FCGRT: variants seen among roughly 807,000 people sequenced by gnomAD.
FCGRT encodes the protein Fc gamma receptor and transporter.
In FCGRT, 13 loss-of-function variants were observed where a neutral mutation model predicts 35.7. The ratio of observed to expected loss-of-function variants is 0.36; its 90% CI spans 0.24 to 0.58. FCGRT has a LOEUF of 0.58. Among genes scored for constraint, FCGRT ranks in the 20% least tolerant of loss-of-function variants. The pLI is 0.77. For synonymous variants in FCGRT, 233 were observed against 216.5 expected (o/e 1.08, Z -0.67); for missense variants, 455 against 474.9 (o/e 0.96, Z 0.39).
Position 49,513,844 on chromosome 19 carries a change from C to T in FCGRT, c.74-38C>T, listed in dbSNP as rs111967480. 3,864 of 1,543,636 alleles carry T rather than the reference C, an allele frequency of 2.5e-3. 74 individuals are homozygous for T. In the African/African-American group the frequency reaches 0.047, roughly 19 times the overall value. On this transcript the variant is annotated intron_variant, in intron 2 of 6. Coordinates refer to ENST00000221466, the MANE Select transcript of FCGRT (RefSeq NM_001136019.3). ...TCTGTCCCACTGCAGTCTAGTTCCC[C>T]GCCCGTGTGCTCCCTTCAGCTCTGT...
intron 4 of FCGRT, among the ~76,000 whole-genome samples, chr19:49,517,107 C>T (rs1291538410): frequency 1.3e-5 from 2 of 152,088 alleles, no homozygotes; most frequent in African/African-American, 4.8e-5. Flanking sequence ...AGGAGGATCG[C>T]TTGAGCTCAG....
chr19:49,518,556 CA>C (rs982094837), intron 4 of FCGRT, among the ~76,000 whole-genome samples: 1 of 152,028 alleles, frequency 6.6e-6, no homozygotes, highest in East Asian at 1.9e-4. Context: ...TTTTTTGAGA[CA>C]AAGTCTTACT....
intron 4 of FCGRT, among the ~76,000 whole-genome samples, chr19:49,520,374 T>A (rs2080034300): frequency 6.7e-6 from 1 of 148,548 alleles, no homozygotes; most frequent in African/African-American, 2.5e-5. Flanking sequence ...AGATGGAGTT[T>A]CACTCTTATT....
chr19:49,523,815 G>A lies in FCGRT; in HGVS notation c.602-692G>A, dbSNP rs369011231. ...GCGGAGCTTGCAGTGAGCCGAGATCGCGCCACTGCACTCCAGCCTGGGAGA... is the reference window on the plus strand; with the variant it reads ...GCGGAGCTTGCAGTGAGCCGAGATCACGCCACTGCACTCCAGCCTGGGAGA... On this transcript the variant is annotated intron_variant, in intron 4 of 6. Coordinates refer to ENST00000221466, the MANE Select transcript of FCGRT (RefSeq NM_001136019.3). 5.6e-4 allele frequency among the ~76,000 whole-genome samples: 83 copies of A among 149,110 alleles called. 1 individual carries two copies. Among genetic ancestry groups the A allele is most frequent in the African/African-American group, 1.4e-3 (58 of 40,488 alleles).
intron 4 of FCGRT, among the ~76,000 whole-genome samples, chr19:49,517,656 A>G (rs144705578): frequency 6.6e-5 from 10 of 152,218 alleles, no homozygotes; most frequent in Non-Finnish European, 1.3e-4. Flanking sequence ...CCCACTTCAC[A>G]TCAAGCTTTG....
Position 49,526,252 on chromosome 19 carries a change from T to A in FCGRT, c.*133T>A, listed in dbSNP as rs1392486739. On this transcript the variant is annotated 3_prime_UTR_variant, in exon 7 of 7. Coordinates refer to ENST00000221466, the MANE Select transcript of FCGRT (RefSeq NM_001136019.3). Reference sequence around the variant, plus strand: ...TAGTTGTCCTCCCTCTGGAGCCCCGTCCTGTGGTCTGCCTCAGTTTCCCCT... The same window carrying A: ...TAGTTGTCCTCCCTCTGGAGCCCCGACCTGTGGTCTGCCTCAGTTTCCCCT... 1 of 644,186 alleles carries A rather than the reference T, an allele frequency of 1.6e-6. No homozygotes were observed. The highest frequency in any genetic ancestry group is 2.8e-6 in the Non-Finnish European group (1 of 362,662). The allele number at this position is 644,186 out of a possible 1,614,324, so 39.9% of individuals were successfully genotyped here.
chr19:49,513,957 C>G lies in FCGRT; in HGVS notation c.149C>G (p.Ser50Cys), dbSNP rs1294405579. The G allele has an allele frequency of 6.2e-7, 1 of 1,614,050 alleles. No individual in the cohort carries two copies. The highest frequency in any genetic ancestry group is 2.2e-5 in the East Asian group (1 of 44,876). Residue 50 changes from serine to cysteine, a missense_variant, in exon 3 of 7, where the codon TCC (serine) becomes TGC (cysteine). This residue lies in a region of FCGRT where 136 missense variants were observed against 158.9 expected (regional missense o/e 0.86). Transcript: ENST00000221466. ...PAPGTPAFWVSGWLGPQQYLS... is the reference protein window; with the variant it reads ...PAPGTPAFWVCGWLGPQQYLS... The stretch of plus-strand genomic sequence containing the variant: ...CCGGGGACTCCTGCCTTCTGGGTGT[C>G]CGGCTGGCTGGGCCCGCAGCAGTAC...
intron 4 of FCGRT, among the ~76,000 whole-genome samples, chr19:49,516,681 C>T (rs1021591513): frequency 4.6e-5 from 7 of 151,876 alleles, no homozygotes; most frequent in African/African-American, 7.2e-5. Flanking sequence ...CTCAGCCTCC[C>T]GAGTAGCTGG....
chr19:49,514,332 C>G lies in FCGRT; in HGVS notation c.447C>G (p.Thr149=). The change falls in exon 4 of 7, where the codon ACC becomes ACG. Residue 149 remains threonine (T), a synonymous_variant. Transcript: ENST00000221466. Reference sequence around the variant, plus strand: ...TGAATTTCGACCTCAAGCAGGGCACCTGGGGTGGGGACTGGCCCGAGGCCC... The same window carrying G: ...TGAATTTCGACCTCAAGCAGGGCACGTGGGGTGGGGACTGGCCCGAGGCCC... ...EFMNFDLKQG[T]WGGDWPEALA... is the part of the protein sequence containing the mutation. 1.2e-6 allele frequency: 2 copies of G among 1,613,700 alleles called. No homozygotes were observed. The highest frequency in any genetic ancestry group is 1.7e-6 in the Non-Finnish European group (2 of 1,179,906).
chr19:49,525,384 C>T (rs1191109347), intron 5 of FCGRT, 73 bp from the exon 6 acceptor site: 50 of 1,088,642 alleles, frequency 4.6e-5, no homozygotes, highest in Middle Eastern at 2.1e-4. Flanking sequence ...GGACTGGGAG[C>T]GCCCCAGTTC....
At chr19:49,513,743 C>A (rs1568698440) in intron 2 of FCGRT, 139 bp from the exon 3 acceptor site, 2 of 186,900 alleles carry the variant, frequency 1.1e-5, no homozygotes, top group African/African-American at 4.6e-5. Flanking sequence ...TCTGTCCCCC[C>A]CCCCCCGGGT....
At chr19:49,517,194 G>GA (rs945490877) in intron 4 of FCGRT, among the ~76,000 whole-genome samples, 1 of 149,548 alleles carries the variant, frequency 6.7e-6, no homozygotes, top group Non-Finnish European at 1.5e-5. Flanking sequence ...GTCTCAAAAA[G>GA]AAAAAAAATA....
At chr19:49,519,544 G>T (rs1315469462) in intron 4 of FCGRT, among the ~76,000 whole-genome samples, 1 of 152,040 alleles carries the variant, frequency 6.6e-6, no homozygotes, top group East Asian at 1.9e-4. Flanking sequence ...GTTTCTCCTA[G>T]ACTGGATTTT....
At chr19:49,513,722 C>A in intron 2 of FCGRT, 160 bp from the exon 3 acceptor site, 1 of 595,056 alleles carries the variant, frequency 1.7e-6, no homozygotes. Context: ...TTGTCTCTCT[C>A]TCTCTGGGTC....
At chr19:49,514,604 C>G (rs558501032) in intron 4 of FCGRT, 118 bp downstream of exon 4, 24 of 1,018,636 alleles carry the variant, frequency 2.4e-5, no homozygotes, top group Middle Eastern at 3.3e-4. Flanking sequence ...CTCTGCCCCC[C>G]CATTCCTCAG....
chr19:49,524,753 C>T lies in FCGRT; in HGVS notation c.848C>T (p.Ala283Val), dbSNP rs558897527. Reference sequence around the variant, plus strand: ...TGCATTGTGCAGCACGCGGGGCTGGCGCAGCCCCTCAGGGTGGAGCTGGGT... The same window carrying T: ...TGCATTGTGCAGCACGCGGGGCTGGTGCAGCCCCTCAGGGTGGAGCTGGGT... The part of the protein sequence containing the change: ...YCCIVQHAGL[A>V]QPLRVELESP... The change falls in exon 5 of 7, where the codon GCG becomes GTG. Residue 283 changes from alanine (A) to valine (V), a missense_variant. Ala to Val is a moderately conservative substitution (Grantham distance 64, BLOSUM62 0). Coordinates refer to ENST00000221466, the MANE Select transcript of FCGRT (RefSeq NM_001136019.3). 2.1e-5 allele frequency: 34 copies of T among 1,600,528 alleles called. No individual in the cohort carries two copies. The highest frequency in any genetic ancestry group is 1.3e-4 in the East Asian group (6 of 44,860).
chr19:49,513,000 C>T (rs1304296748), intron 1 of FCGRT, among the ~76,000 whole-genome samples: 1 of 104,538 alleles, frequency 9.6e-6, no homozygotes, highest in African/African-American at 4.3e-5. Context: ...CTCCTGGGTC[C>T]GAGGGTAGAG....
Position 49,524,763 on chromosome 19 carries a change from CAG to C in FCGRT, c.859_860del (p.Arg287GlyfsTer67), listed in dbSNP as rs1438292825. ...AGCACGCGGGGCTGGCGCAGCCCCT[CAG>C]GGTGGAGCTGGGTGAGGTCCCGCCA... is the stretch of plus-strand genomic sequence containing the variant. ...VQHAGLAQPL[R>X]VELESPAKSS... On this transcript the variant is annotated frameshift_variant, in exon 5 of 7. Coordinates refer to ENST00000221466, the MANE Select transcript of FCGRT (RefSeq NM_001136019.3). LOFTEE classifies it high-confidence loss of function. 3.7e-6 allele frequency: 6 copies of C among 1,600,154 alleles called. No homozygotes were observed. The highest frequency in any genetic ancestry group is 2.2e-5 in the East Asian group (1 of 44,872).
In FCGRT at chr19:49,525,990, C is replaced by G; in HGVS notation, c.989-20C>G. On this transcript the variant is annotated intron_variant, in intron 6 of 6. Coordinates refer to ENST00000221466, the MANE Select transcript of FCGRT (RefSeq NM_001136019.3). ...CGCCTCAGAGATTCTGATGACCTCT[C>G]CCTCTCTCTCTCTCCTCAGCCCCTT... The G allele has an allele frequency of 6.7e-7, 1 of 1,497,522 alleles. No homozygotes were observed. The highest frequency in any genetic ancestry group is 9.3e-7 in the Non-Finnish European group (1 of 1,074,652). 92.8% of individuals were successfully genotyped at this position (1,497,522 alleles called of 1,614,324 possible). A position where few individuals can be genotyped will look rare whatever the true frequency, so the allele number is the denominator to read the frequency against.
Sources: gnomAD v4.1 joint callset for allele counts (sites outside exome capture counted in the v4.1 genomes callset) on GRCh38, gnomAD v4.1.1 for gene constraint, gnomAD v4.1.1 regional missense constraint, MANE v1.5 for transcripts, NCBI Gene and HGNC (gene_info 2026-07-23, HGNC 2026-07-21) for gene names.